Variants in RRAS2 observed in about 807,000 individuals in gnomAD.
RRAS2 encodes RAS related 2.
In RRAS2, 7 loss-of-function variants were observed where a neutral mutation model predicts 27.6. The observed-to-expected ratio is 0.25, with a 90% CI of 0.14 to 0.48. RRAS2 has a LOEUF of 0.48. Ranked by LOEUF, RRAS2 falls within the 20% of genes least tolerant of loss-of-function variation. The pLI is 0.99. For missense variants in RRAS2, 178 were observed against 256.2 expected (o/e 0.69, Z 2.08); for synonymous variants, 86 against 90.9 (o/e 0.95, Z 0.31).
intron 1 of RRAS2, among the ~76,000 whole-genome samples, chr11:14,355,738 G>C (rs1384076269): frequency 1.3e-5 from 2 of 152,070 alleles, no homozygotes; most frequent in African/African-American, 4.8e-5. Flanking sequence ...TGTAAAAACA[G>C]TCTGGTGTTT....
intron 4 of RRAS2, among the ~76,000 whole-genome samples, chr11:14,284,609 T>G (rs1849616239): frequency 6.6e-6 from 1 of 152,172 alleles, no homozygotes; most frequent in Non-Finnish European, 1.5e-5. Flanking sequence ...TCTCTGATTT[T>G]AAGTGTGAAT....
intron 1 of RRAS2, among the ~76,000 whole-genome samples, chr11:14,345,996 T>C (rs1460601581): frequency 6.6e-6 from 1 of 152,192 alleles, no homozygotes; most frequent in Non-Finnish European, 1.5e-5. Context: ...TCCCTGTAAG[T>C]TGTTTCATTA....
At chr11:14,332,512 A>G (rs1287413500) in intron 1 of RRAS2, among the ~76,000 whole-genome samples, 1 of 152,128 alleles carries the variant, frequency 6.6e-6, no homozygotes, top group Non-Finnish European at 1.5e-5. Context: ...AAAAATAGTA[A>G]TAATAATAAT....
intron 1 of RRAS2, among the ~76,000 whole-genome samples, chr11:14,302,931 T>C (rs965236250): frequency 1.3e-5 from 2 of 152,164 alleles, no homozygotes; most frequent in African/African-American, 2.4e-5. Context: ...TCAGTTTCCT[T>C]GTCTATGAAA....
At chr11:14,314,895 C>A (rs1848061887) in intron 1 of RRAS2, among the ~76,000 whole-genome samples, 1 of 152,098 alleles carries the variant, frequency 6.6e-6, no homozygotes, top group Non-Finnish European at 1.5e-5. Context: ...CCATGTTGGC[C>A]AGGCTGGTCT....
intron 1 of RRAS2, among the ~76,000 whole-genome samples, chr11:14,331,237 C>T (rs937901952): frequency 1.3e-5 from 2 of 152,138 alleles, no homozygotes; most frequent in African/African-American, 4.8e-5. Flanking sequence ...ACCCATACAA[C>T]TTAATAAAAT....
chr11:14,328,722 T>C lies in RRAS2; in HGVS notation c.108+30041A>G, dbSNP rs190100710. On this transcript the variant is annotated intron_variant, in intron 1 of 5. Transcript: ENST00000256196. ...TCTTGTTGCCCAGACTGGAGTGCAA[T>C]GGCGTGACCTCTGCTCACCGCAACC... Among the ~76,000 whole-genome samples, 51 of 151,926 alleles carry C rather than the reference T, an allele frequency of 3.4e-4. No individual in the cohort carries two copies. In the East Asian group the frequency reaches 9.7e-3, roughly 29 times the overall value.
intron 4 of RRAS2, among the ~76,000 whole-genome samples, chr11:14,283,623 G>A (rs782259921): frequency 2.0e-5 from 3 of 150,992 alleles, no homozygotes; most frequent in African/African-American, 7.3e-5. Context: ...TTTTTCCCTT[G>A]AGTGAATTTT....
chr11:14,285,034 G>A (rs11023177), intron 4 of RRAS2, among the ~76,000 whole-genome samples: 19,639 of 151,990 alleles, frequency 0.13, 1,622 homozygotes, highest in South Asian at 0.2. Flanking sequence ...CTTGCTATTA[G>A]TTTCCTATCC....
At chr11:14,362,831 C>T (rs1849207691), upstream of RRAS2, among the ~76,000 whole-genome samples, 1 of 152,146 alleles carries the variant, frequency 6.6e-6, no homozygotes, top group Non-Finnish European at 1.5e-5. Context: ...TCCAGAACCC[C>T]GGAGAGCCTC....
At chr11:14,356,395 T>C (rs1274625274) in intron 1 of RRAS2, among the ~76,000 whole-genome samples, 1 of 152,222 alleles carries the variant, frequency 6.6e-6, no homozygotes, top group African/African-American at 2.4e-5. Context: ...TGAATTCCCT[T>C]TGCATTTAAA....
At chr11:14,351,863 C>T (rs1320091577) in intron 1 of RRAS2, among the ~76,000 whole-genome samples, 8 of 148,212 alleles carry the variant, frequency 5.4e-5, no homozygotes, top group Non-Finnish European at 5.9e-5. Flanking sequence ...CCACTGCACT[C>T]CAGCCTGGGT....
At chr11:14,283,023 T>A (rs953699679) in intron 4 of RRAS2, among the ~76,000 whole-genome samples, 1 of 152,212 alleles carries the variant, frequency 6.6e-6, no homozygotes, top group Non-Finnish European at 1.5e-5. Flanking sequence ...AGCTAGTTTT[T>A]CAACATTAAG....
At chr11:14,320,724 A>T (rs1848203211) in intron 1 of RRAS2, among the ~76,000 whole-genome samples, 1 of 152,344 alleles carries the variant, frequency 6.6e-6, no homozygotes, top group East Asian at 1.9e-4. Context: ...TTTATTTTAA[A>T]TAGGATGGAT....
chr11:14,342,482 T>C (rs549793373), intron 1 of RRAS2, among the ~76,000 whole-genome samples: 1 of 152,280 alleles, frequency 6.6e-6, no homozygotes, highest in African/African-American at 2.4e-5. Flanking sequence ...TCAATGTATT[T>C]TTCATAGGTA....
chr11:14,351,508 C>T (rs1197025322), intron 1 of RRAS2, among the ~76,000 whole-genome samples: 2 of 152,148 alleles, frequency 1.3e-5, no homozygotes, highest in Non-Finnish European at 2.9e-5. Context: ...AGGTGGATCA[C>T]ATAAGGTCAG....
upstream of RRAS2, among the ~76,000 whole-genome samples, chr11:14,360,425 C>A (rs1346665497): frequency 1.3e-5 from 2 of 151,826 alleles, no homozygotes; most frequent in African/African-American, 4.8e-5. Flanking sequence ...TTTTTTGAGA[C>A]AAGATCCCTC....
chr11:14,287,676 C>T (rs1165548763), intron 4 of RRAS2, among the ~76,000 whole-genome samples: 2 of 151,788 alleles, frequency 1.3e-5, no homozygotes, highest in Admixed American at 1.3e-4. Context: ...GCTCAAGACA[C>T]GCCTGGCCAA....
upstream of RRAS2, among the ~76,000 whole-genome samples, chr11:14,362,003 A>G (rs1394473939): frequency 6.6e-6 from 1 of 152,244 alleles, no homozygotes; most frequent in Non-Finnish European, 1.5e-5. Flanking sequence ...ACCACATATT[A>G]TATAATTCCA....
Sources: gnomAD v4.1 joint callset for allele counts (sites outside exome capture counted in the v4.1 genomes callset) on GRCh38, gnomAD v4.1.1 for gene constraint, MANE v1.5 for transcripts, NCBI Gene and HGNC (gene_info 2026-07-23, HGNC 2026-07-21) for gene names.